Variants in RBM19 observed in about 807,000 individuals in gnomAD.
RBM19 encodes the protein probable RNA-binding protein 19.
Under a neutral mutation model 116.8 loss-of-function variants are expected in RBM19, and 94 were observed. The observed-to-expected ratio is 0.80, with a 90% CI of 0.68 to 0.95. The LOEUF is 0.95. Ranked by LOEUF, RBM19 falls within the 40% of genes least tolerant of loss-of-function variation. The pLI is 0.00. For synonymous variants in RBM19, 475 were observed against 494.1 expected (o/e 0.96, Z 0.51); for missense variants, 1,161 against 1,220.7 (o/e 0.95, Z 0.73).
At chr12:113,850,038 C>G (rs1046734173) in intron 22 of RBM19, among the ~76,000 whole-genome samples, 1 of 152,212 alleles carries the variant, frequency 6.6e-6, no homozygotes, top group African/African-American at 2.4e-5. Context: ...GCAGCTCCAG[C>G]CCTGGCTTTC....
chr12:113,847,395 GC>G (rs1877089457), intron 22 of RBM19, among the ~76,000 whole-genome samples: 1 of 151,850 alleles, frequency 6.6e-6, no homozygotes, highest in South Asian at 2.1e-4. Flanking sequence ...CAGAGCCTCT[GC>G]ATTTTTTTCC....
At chr12:113,882,593 A>C (rs1440707172) in intron 21 of RBM19, among the ~76,000 whole-genome samples, 2 of 152,234 alleles carry the variant, frequency 1.3e-5, no homozygotes, top group African/African-American at 4.8e-5. Context: ...CCTGGAGCTG[A>C]GTGGATTCTA....
At chr12:113,860,356 A>T (rs576732822) in intron 21 of RBM19, among the ~76,000 whole-genome samples, 1 of 152,378 alleles carries the variant, frequency 6.6e-6, no homozygotes, top group South Asian at 2.1e-4. Context: ...CATGACAGAC[A>T]CAGTCTCTCT....
intron 5 of RBM19, 31 bp from the exon 6 acceptor site, chr12:113,958,081 C>T (rs1220052160): frequency 2.5e-6 from 4 of 1,582,910 alleles, no homozygotes; most frequent in Non-Finnish European, 3.4e-6. Flanking sequence ...GGATCAGCGA[C>T]AGCTATGAGC....
At chr12:113,836,032 G>A (rs544750407) in intron 23 of RBM19, among the ~76,000 whole-genome samples, 14 of 152,320 alleles carry the variant, frequency 9.2e-5, no homozygotes, top group African/African-American at 1.4e-4. Context: ...TCTCGATGCC[G>A]TGACCCTGCT....
At chr12:113,885,867 CTTTT>C (rs1004711498) in intron 21 of RBM19, among the ~76,000 whole-genome samples, 1 of 125,262 alleles carries the variant, frequency 8.0e-6, no homozygotes, top group Non-Finnish European at 1.7e-5. Context: ...TCAGCTTTGC[CTTTT>C]TTTTTTTTTT....
At chr12:113,874,432 G>T (rs1879514923) in intron 21 of RBM19, among the ~76,000 whole-genome samples, 3 of 152,174 alleles carry the variant, frequency 2.0e-5, no homozygotes, top group Admixed American at 2.0e-4. Flanking sequence ...TGCTCTACAC[G>T]CGCTGCCTCC....
Position 113,940,539 on chromosome 12 carries a change from G to A in RBM19, c.1738-379C>T, listed in dbSNP as rs143838781. On this transcript the variant is annotated intron_variant, in intron 14 of 23. Coordinates refer to ENST00000261741, the MANE Select transcript of RBM19 (RefSeq NM_016196.4). ...TGCTACCACGTGCAGCCAGCAGGAC[G>A]TGCTGCAGAGCTAACGCCCCCTGGG... is the stretch of plus-strand genomic sequence containing the variant. 6.6e-3 allele frequency among the ~76,000 whole-genome samples: 1,001 copies of A among 152,338 alleles called. 15 individuals carry two copies. Among genetic ancestry groups the A allele is most frequent in the African/African-American group, 0.022 (905 of 41,578 alleles).
At chr12:113,846,173 C>T (rs1004209873) in intron 22 of RBM19, among the ~76,000 whole-genome samples, 2 of 152,160 alleles carry the variant, frequency 1.3e-5, no homozygotes, top group East Asian at 1.9e-4. Context: ...CAGTGGAGAG[C>T]AACGGTGGCT....
intron 21 of RBM19, among the ~76,000 whole-genome samples, chr12:113,861,474 C>CTGTG (rs57704604): frequency 0.064 from 8,067 of 126,380 alleles, 438 homozygotes; most frequent in Admixed American, 0.17. Flanking sequence ...AAGCCAGACT[C>CTGTG]TGTGTGTGTG....
At chr12:113,864,402 C>G (rs1365714679) in intron 21 of RBM19, among the ~76,000 whole-genome samples, 2 of 152,212 alleles carry the variant, frequency 1.3e-5, no homozygotes, top group Non-Finnish European at 2.9e-5. Flanking sequence ...AGCCACTTAT[C>G]TCAACTGATA....
intron 21 of RBM19, among the ~76,000 whole-genome samples, chr12:113,870,124 G>T (rs1038689413): frequency 4.6e-5 from 7 of 152,200 alleles, no homozygotes; most frequent in Admixed American, 4.6e-4. Flanking sequence ...AAGATGGGGT[G>T]AGCTCTCTTG....
chr12:113,818,770 T>C (rs142704218), downstream of RBM19, among the ~76,000 whole-genome samples: 6 of 152,302 alleles, frequency 3.9e-5, no homozygotes, highest in Non-Finnish European at 5.9e-5. Flanking sequence ...TCAGGGCCTG[T>C]GCATTCCGCT....
At chr12:113,884,803 T>A (rs1880411556) in intron 21 of RBM19, among the ~76,000 whole-genome samples, 1 of 152,104 alleles carries the variant, frequency 6.6e-6, no homozygotes, top group African/African-American at 2.4e-5. Flanking sequence ...AAGGACACAA[T>A]CTACCTTGAA....
downstream of RBM19, chr12:113,818,254 G>A (rs1414598193): frequency 6.9e-6 from 1 of 144,974 alleles, no homozygotes; most frequent in Non-Finnish European, 1.5e-5. Context: ...GTTAGGAACA[G>A]ACACACAGAC....
At chr12:113,884,942 T>G (rs1880421294) in intron 21 of RBM19, among the ~76,000 whole-genome samples, 1 of 151,918 alleles carries the variant, frequency 6.6e-6, no homozygotes, top group Admixed American at 6.6e-5. Flanking sequence ...AATAAATAAC[T>G]ATGAGGAAAC....
chr12:113,841,721 G>A (rs1243285538), intron 23 of RBM19, among the ~76,000 whole-genome samples: 1 of 152,160 alleles, frequency 6.6e-6, no homozygotes, highest in East Asian at 1.9e-4. Context: ...CACTGCGCCT[G>A]GCCAGGAGTT....
intron 21 of RBM19, among the ~76,000 whole-genome samples, chr12:113,863,234 T>TGA (rs1878540688): frequency 6.7e-6 from 1 of 150,170 alleles, no homozygotes; most frequent in South Asian, 2.1e-4. Flanking sequence ...TGTGTGTGTG[T>TGA]GTGGGGCCAG....
rs549141438 is a variant in RBM19 at position 113,920,464 on chromosome 12, C to T, written c.2385+147G>A. Reference sequence around the variant, plus strand: ...AAAGGTTCTTAATTTTTTCTTGGGCCACAGTCCCGTAGAGATCTGGGAAAA... The same window carrying T: ...AAAGGTTCTTAATTTTTTCTTGGGCTACAGTCCCGTAGAGATCTGGGAAAA... On this transcript the variant is annotated intron_variant, in intron 19 of 23. Coordinates refer to ENST00000261741, the MANE Select transcript of RBM19 (RefSeq NM_016196.4). The T allele has an allele frequency of 1.7e-5, 12 of 727,250 alleles. No homozygotes were observed. In the East Asian group the frequency reaches 2.7e-4, roughly 16 times the overall value. The allele number at this position is 727,250 out of a possible 1,614,324, so 45.0% of individuals were successfully genotyped here.
Sources: allele counts gnomAD v4.1 joint callset (sites outside exome capture counted in the v4.1 genomes callset), GRCh38; gene constraint gnomAD v4.1.1; transcripts MANE v1.5; gene names NCBI Gene and HGNC (gene_info 2026-07-23, HGNC 2026-07-21).